The following MEGF8 variants were observed in gnomAD, a reference collection of about 807,000 sequenced individuals.
The protein encoded by MEGF8 is multiple EGF like domains 8.
MEGF8 carries 156 observed loss-of-function variants against 302.9 expected under a neutral mutation model. That is an observed-to-expected ratio of 0.52 (90% CI 0.45 to 0.59). The LOEUF is 0.59. MEGF8 is among the 20% of genes least tolerant of loss of function. The pLI is 0.00. For missense variants in MEGF8, 3,345 were observed against 3,964.5 expected (o/e 0.84, Z 4.20); for synonymous variants, 1,621 against 1,660.5 (o/e 0.98, Z 0.58).
Position 42,356,547 on chromosome 19 carries a change from A to G in MEGF8, c.4622+94A>G, listed in dbSNP as rs377014010. ...CTCAGAGGAGTGCAGAAAAGCCTCT[A>G]AGGTAAAGGACAGCCCAAAGGATGC... On this transcript the variant is annotated intron_variant, in intron 26 of 41. Transcript: ENST00000251268. The surrounding 1 kb of genome is among the most constrained non-coding windows in gnomAD (Gnocchi z 5.2). 1.3e-4 allele frequency: 145 copies of G among 1,099,010 alleles called. 4 individuals carry two copies. The South Asian group carries it at 2.2e-3, about 17-fold the overall frequency. The allele number at this position is 1,099,010 out of a possible 1,614,324, so 68.1% of individuals were successfully genotyped here.
chr19:42,376,502 C>T lies in MEGF8; in HGVS notation c.8265C>T (p.Ala2755=). The T allele has an allele frequency of 1.3e-6, 2 of 1,576,680 alleles. No homozygotes were observed. Among genetic ancestry groups the T allele is most frequent in the Non-Finnish European group, 1.7e-6 (2 of 1,164,336 alleles). The change falls in exon 42 of 42, where the codon GCC becomes GCT. Residue 2755 remains alanine, a synonymous_variant. Coordinates refer to ENST00000251268, the MANE Select transcript of MEGF8 (RefSeq NM_001271938.2). This position sits in a 1 kb window ranked among gnomAD's most constrained non-coding sequence, Gnocchi z 8.2. ...TGGGAGGGGGCTGCTGCCCACCAGC[C>T]ATCCCCGCCACCACTGCTGGGCTGC... The part of the protein sequence containing the change: ...GPMGGGCCPP[A]IPATTAGLRA...
intron 32 of MEGF8, among the ~76,000 whole-genome samples, chr19:42,361,560 C>T (rs1001312364): frequency 6.6e-6 from 1 of 152,198 alleles, no homozygotes; most frequent in Admixed American, 6.5e-5. Flanking sequence ...CCCCAGACCC[C>T]ACTGGAGGTA....
intron 12 of MEGF8, 58 bp from the exon 13 acceptor site, chr19:42,348,214 G>C: frequency 6.9e-7 from 1 of 1,451,204 alleles, no homozygotes; most frequent in Non-Finnish European, 9.2e-7. Flanking sequence ...TTCTGGCTCT[G>C]ATGTGGCCTG....
Position 42,368,932 on chromosome 19 carries a change from G to C in MEGF8, c.6571G>C (p.Glu2191Gln). The change falls in exon 37 of 42, where the codon GAG becomes CAG. Residue 2191 changes from glutamate to glutamine, a missense_variant. Transcript: ENST00000251268. The surrounding 1 kb of genome is among the most constrained non-coding windows in gnomAD (Gnocchi z 4.9). ...ECANGHHDCN[E>Q]TQNCHDQPHG... Reference sequence around the variant, plus strand: ...TGCAAACGGGCACCACGACTGCAACGAGACGCAGAATTGCCACGACCAGCC... The same window carrying C: ...TGCAAACGGGCACCACGACTGCAACCAGACGCAGAATTGCCACGACCAGCC... 4.3e-6 allele frequency: 7 copies of C among 1,613,896 alleles called. No homozygotes were observed. The highest frequency in any genetic ancestry group is 5.9e-6 in the Non-Finnish European group (7 of 1,179,888).
At chr19:42,374,470 CAAAAAA>C (rs58700897) in intron 41 of MEGF8, among the ~76,000 whole-genome samples, 1 of 56,290 alleles carries the variant, frequency 1.8e-5, no homozygotes, top group Non-Finnish European at 3.9e-5. Context: ...GACTCTGTCT[CAAAAAA>C]AAAAAAAAAA....
rs1233596603 is a variant in MEGF8 at position 42,326,174 on chromosome 19, C to G, written c.-70C>G. ...AGAGGTCGCATTTGCAGGGCCTCAC[C>G]CCGGGTAGAGGGTCCTCTCCAGGTT... On this transcript the variant is annotated 5_prime_UTR_variant, in exon 1 of 42. Transcript: ENST00000251268. The G allele has an allele frequency of 2.1e-6, 3 of 1,431,860 alleles. No individual in the cohort carries two copies. The highest frequency in any genetic ancestry group is 2.7e-6 in the Non-Finnish European group (3 of 1,098,424). 88.7% of individuals were successfully genotyped at this position (1,431,860 alleles called of 1,614,324 possible). A position where few individuals can be genotyped will look rare whatever the true frequency, so the allele number is the denominator to read the frequency against.
At position 42,376,242 on chromosome 19, in the gene MEGF8, C is replaced by T. The variant is rs762839723; in HGVS notation, c.8005C>T (p.Leu2669Phe). The change falls in exon 42 of 42, where the codon CTC becomes TTC. Residue 2669 changes from leucine (L) to phenylalanine (F), a missense_variant. By Grantham distance (22) the Leu-to-Phe change is conservative. Coordinates refer to ENST00000251268, the MANE Select transcript of MEGF8 (RefSeq NM_001271938.2). The surrounding 1 kb of genome is among the most constrained non-coding windows in gnomAD (Gnocchi z 8.2). The stretch of plus-strand genomic sequence containing the variant: ...CCTCTTCCTCTCACTCTGTGTGCTC[C>T]TCTGGAAGGCCAAGCAGGCTCTGGA... ...FFLFLSLCVL[L>F]WKAKQALDQR... 1.2e-6 allele frequency: 2 copies of T among 1,607,494 alleles called. No homozygotes were observed. Among genetic ancestry groups the T allele is most frequent in the Admixed American group, 3.4e-5 (2 of 58,504 alleles).
At position 42,343,914 on chromosome 19, in the gene MEGF8, G is replaced by A. The variant is rs371443728; in HGVS notation, c.1669-40G>A. 887 of 1,600,220 alleles carry A rather than the reference G, an allele frequency of 5.5e-4. 5 individuals carry two copies. The highest frequency in any genetic ancestry group is 3.4e-3 in the South Asian group (303 of 89,274). On this transcript the variant is annotated intron_variant, in intron 9 of 41. Coordinates refer to ENST00000251268, the MANE Select transcript of MEGF8 (RefSeq NM_001271938.2). ...CCAGGTCTGAGAGGCCTCCTCCTCC[G>A]TCCCCTTGCCTCCCCCTCTGTCCCC...
rs779113255 is a variant in MEGF8 at position 42,358,940 on chromosome 19, C to T, written c.5329C>T (p.Pro1777Ser). Residue 1777 changes from proline to serine, a missense_variant, in exon 30 of 42, where the codon CCT becomes TCT. By Grantham distance (74) the Pro-to-Ser change is moderately conservative (BLOSUM62 -1). Transcript: ENST00000251268. This position sits in a 1 kb window ranked among gnomAD's most constrained non-coding sequence, Gnocchi z 4.4. ...GTGGFLEEISPHLKEPRPRLF... is the reference protein window; with the variant it reads ...GTGGFLEEISSHLKEPRPRLF... ...AGGAGGTTTCCTGGAGGAAATCTCA[C>T]CTCACCTGAAGGAGGTGAGATTTGA... The T allele has an allele frequency of 1.9e-6, 3 of 1,610,306 alleles. No homozygotes were observed. The highest frequency in any genetic ancestry group is 1.1e-5 in the South Asian group (1 of 90,140).
chr19:42,371,357 T>C lies in MEGF8; in HGVS notation c.7144T>C (p.Cys2382Arg). 6.2e-7 allele frequency: 1 copy of C among 1,613,792 alleles called. No homozygotes were observed. Among genetic ancestry groups the C allele is most frequent in the Non-Finnish European group, 8.5e-7 (1 of 1,179,812 alleles). ...CCTCAACTTCTTCCCCAGATGCCAG[T>C]GTAATGGCCACGCGGACACATGTAA... The part of the protein sequence containing the change: ...LLDGKCTKCQ[C>R]NGHADTCNEQ... The change falls in exon 41 of 42, where the codon TGT becomes CGT. Residue 2382 changes from cysteine to arginine, a missense_variant. Physicochemically the swap from Cys to Arg is radical, Grantham distance 180. Coordinates refer to ENST00000251268, the MANE Select transcript of MEGF8 (RefSeq NM_001271938.2).
rs988658575 is a variant in MEGF8 at position 42,369,448 on chromosome 19, G to A, written c.6642-83G>A. ...AGGGATGAGCAACCAGTTGAGAAGA[G>A]GGTGGGGTAGTTGGTTGGGTGCTAG... On this transcript the variant is annotated intron_variant, in intron 37 of 41. Transcript: ENST00000251268. The surrounding 1 kb of genome is among the most constrained non-coding windows in gnomAD (Gnocchi z 5.7). 4 of 1,407,454 alleles carry A rather than the reference G, an allele frequency of 2.8e-6. No individual in the cohort carries two copies. The highest frequency in any genetic ancestry group is 3.9e-6 in the Non-Finnish European group (4 of 1,028,714). 87.2% of individuals were successfully genotyped at this position (1,407,454 alleles called of 1,614,324 possible).
At chr19:42,343,921 T>C (rs2039250255) in intron 9 of MEGF8, 33 bp from the exon 10 acceptor site, 1 of 1,604,246 alleles carries the variant, frequency 6.2e-7, no homozygotes, top group Non-Finnish European at 8.5e-7. Context: ...TCCGTCCCCT[T>C]GCCTCCCCCT....
In MEGF8 at chr19:42,354,740, T is replaced by A; in HGVS notation, c.4144+20T>A. ...TGTCTGGTACGGGGGCTAGGGGAAG[T>A]GGGACCTCTTAGTCCTGGGCTATGT... On this transcript the variant is annotated intron_variant, in intron 23 of 41. Transcript: ENST00000251268. This position sits in a 1 kb window ranked among gnomAD's most constrained non-coding sequence, Gnocchi z 4.3. 1.3e-6 allele frequency: 2 copies of A among 1,588,670 alleles called. No homozygotes were observed. The highest frequency in any genetic ancestry group is 2.7e-5 in the African/African-American group (2 of 74,734).
At chr19:42,363,874 G>A (rs1018109616) in intron 35 of MEGF8, among the ~76,000 whole-genome samples, 2 of 152,110 alleles carry the variant, frequency 1.3e-5, no homozygotes, top group Admixed American at 6.5e-5. Context: ...GGTTTCTGTC[G>A]GTCTGATAGT....
chr19:42,366,916 G>T (rs1326742008), intron 35 of MEGF8, among the ~76,000 whole-genome samples: 1 of 152,166 alleles, frequency 6.6e-6, no homozygotes, highest in East Asian at 1.9e-4. Flanking sequence ...TGGCAGTTCA[G>T]CAAGTCTCAG....
In MEGF8 at chr19:42,349,406, G is replaced by A. The variant is rs552824536; in HGVS notation, c.2299-93G>A. 5.0e-4 allele frequency: 552 copies of A among 1,106,148 alleles called. 1 individual carries two copies. The highest frequency in any genetic ancestry group is 6.1e-4 in the Non-Finnish European group (476 of 781,776). 68.5% of individuals were successfully genotyped at this position (1,106,148 alleles called of 1,614,324 possible). On this transcript the variant is annotated intron_variant, in intron 13 of 41. Transcript: ENST00000251268. ...TCTGAGGCCCTCTTCTTAGGAGGGG[G>A]TGGGGTACAGGGTGGGTTTGGAGGT...
At chr19:42,361,761 G>C (rs1344562185) in intron 32 of MEGF8, among the ~76,000 whole-genome samples, 1 of 152,126 alleles carries the variant, frequency 6.6e-6, no homozygotes, top group Non-Finnish European at 1.5e-5. Flanking sequence ...GTGAGGGGTA[G>C]AGTGACGAGA....
intron 35 of MEGF8, among the ~76,000 whole-genome samples, chr19:42,365,772 TAAAAAAAAAAAAAA>T (rs771190592): frequency 1.7e-5 from 1 of 57,654 alleles, no homozygotes; most frequent in East Asian, 4.6e-4. Context: ...ACCCCGTCTC[TAAAAAAAAAAAAAA>T]AAAAAAAAAA....
rs897463063 is a variant in MEGF8 at position 42,354,896 on chromosome 19, C to T, written c.4144+176C>T. ...AGTTGAGAGGAAAATAGGATTGCGC[C>T]GGCTGAGCTACGTCTGCAGAGAGAA... On this transcript the variant is annotated intron_variant, in intron 23 of 41. Transcript: ENST00000251268. The surrounding 1 kb of genome is among the most constrained non-coding windows in gnomAD (Gnocchi z 4.3). Among the ~76,000 whole-genome samples, 17 of 152,006 alleles carry T rather than the reference C, an allele frequency of 1.1e-4. No homozygotes were observed. The highest frequency in any genetic ancestry group is 2.2e-4 in the Non-Finnish European group (15 of 67,998).
Sources: allele counts gnomAD v4.1 joint callset (sites outside exome capture counted in the v4.1 genomes callset), GRCh38; gene constraint gnomAD v4.1.1; non-coding constraint Gnocchi (gnomAD v3.1); transcripts MANE v1.5; gene names NCBI Gene and HGNC (gene_info 2026-07-23, HGNC 2026-07-21).